Variants in RALYL observed in about 807,000 individuals in gnomAD.
RALYL encodes RALY RNA binding protein like.
A neutral mutation model predicts 35.1 loss-of-function variants in RALYL; 29 were observed. The ratio of observed to expected loss-of-function variants is 0.83; its 90% CI spans 0.61 to 1.13. The LOEUF (loss-of-function observed/expected upper bound fraction) is 1.13, where lower values mean the gene tolerates loss of function less well. RALYL is among the 50% of genes most tolerant of loss of function. The probability of loss-of-function intolerance (pLI) is 0.00; values close to 1 mark genes in which losing one functional copy is unlikely to be tolerated. For missense variants in RALYL, 359 were observed against 360.4 expected (o/e 1.00, Z 0.03); for synonymous variants, 120 against 127.6 (o/e 0.94, Z 0.40).
intron 2 of RALYL, among the ~76,000 whole-genome samples, chr8:84,731,991 G>C (rs1267012714): frequency 6.6e-6 from 1 of 151,870 alleles, no homozygotes; most frequent in African/African-American, 2.4e-5. Context: ...CCCTTTATTT[G>C]TTTAATAAAC....
rs141565979 is a variant in RALYL at position 84,621,338 on chromosome 8, G to A, written c.256+91761G>A. ...AGCCCGTCGGAAAAGCGCAGTATTC[G>A]GGTGGGAGCCACCCAATTTTCCAGG... On this transcript the variant is annotated intron_variant, in intron 2 of 8. Coordinates refer to ENST00000521268, the MANE Select transcript of RALYL (RefSeq NM_173848.7). 1.1e-3 allele frequency among the ~76,000 whole-genome samples: 175 copies of A among 152,252 alleles called. 3 individuals carry two copies. In the East Asian group the frequency reaches 0.026, roughly 23 times the overall value.
At chr8:84,471,343 G>A (rs1037045144) in intron 1 of RALYL, among the ~76,000 whole-genome samples, 2 of 151,804 alleles carry the variant, frequency 1.3e-5, no homozygotes, top group Non-Finnish European at 2.9e-5. Flanking sequence ...AGTGCTTTGA[G>A]ATGCCAAAGT....
chr8:84,391,501 C>A lies in RALYL; in HGVS notation c.-23-137798C>A, dbSNP rs141210173. On this transcript the variant is annotated intron_variant, in intron 1 of 8. Coordinates refer to ENST00000521268, the MANE Select transcript of RALYL (RefSeq NM_173848.7). ...TGATTTGTCTGTAGGTTATTCTCAC[C>A]CCAAACCTCCTTTTCAGTTCATTGT... 4.1e-3 allele frequency among the ~76,000 whole-genome samples: 621 copies of A among 152,074 alleles called. 6 individuals are homozygous for A. Among genetic ancestry groups the A allele is most frequent in the African/African-American group, 0.014 (586 of 41,502 alleles).
In RALYL at chr8:84,839,752, T is replaced by A. The variant is rs538751960; in HGVS notation, c.366-10228T>A. ...CAGACTGACACCTCACACGGCCAGG[T>A]ACTCCTCTGAGACAAAACTTCCAGA... On this transcript the variant is annotated intron_variant, in intron 4 of 8. Transcript: ENST00000521268. 2.0e-5 allele frequency among the ~76,000 whole-genome samples: 3 copies of A among 152,326 alleles called. No individual in the cohort carries two copies. The South Asian group carries it at 6.2e-4, about 32-fold the overall frequency.
At chr8:84,809,622 T>C (rs904923554) in intron 4 of RALYL, among the ~76,000 whole-genome samples, 2 of 152,154 alleles carry the variant, frequency 1.3e-5, no homozygotes, top group African/African-American at 4.8e-5. Flanking sequence ...GGACATTTTT[T>C]TGTTGGTAAT....
chr8:84,718,713 C>T (rs910560502), intron 2 of RALYL, among the ~76,000 whole-genome samples: 2 of 151,390 alleles, frequency 1.3e-5, no homozygotes, highest in Non-Finnish European at 2.9e-5. Flanking sequence ...TGCAGTGAGC[C>T]GAGATCGCAC....
At chr8:84,907,217 G>T (rs961389363) in intron 8 of RALYL, among the ~76,000 whole-genome samples, 2 of 151,810 alleles carry the variant, frequency 1.3e-5, no homozygotes, top group Non-Finnish European at 2.9e-5. Context: ...AATTGAACAA[G>T]TTCTGGAATC....
chr8:84,869,215 G>A (rs1267152328), intron 6 of RALYL, among the ~76,000 whole-genome samples: 1 of 152,092 alleles, frequency 6.6e-6, no homozygotes, highest in Non-Finnish European at 1.5e-5. Context: ...GAAAATCTAG[G>A]TTTGAGCCTA....
In RALYL at chr8:84,850,028, G is replaced by A. The variant is rs1835507887; in HGVS notation, c.413+1G>A. 6.8e-7 allele frequency: 1 copy of A among 1,462,670 alleles called. No homozygotes were observed. 90.6% of individuals were successfully genotyped at this position (1,462,670 alleles called of 1,614,324 possible). ...ACTACAGAGATGATTTCTACAATCG[G>A]TATGTGAATTTTTCATCCTTGTTTT... On this transcript the variant is annotated splice_donor_variant, in intron 5 of 8. Coordinates refer to ENST00000521268, the MANE Select transcript of RALYL (RefSeq NM_173848.7). LOFTEE classifies it high-confidence loss of function.
At chr8:84,278,178 T>G in intron 1 of RALYL, among the ~76,000 whole-genome samples, 1 of 152,236 alleles carries the variant, frequency 6.6e-6, no homozygotes, top group East Asian at 1.9e-4. Flanking sequence ...ACATCAATTA[T>G]TGACTTCTGT....
chr8:84,712,398 A>C (rs1842325781), intron 2 of RALYL, among the ~76,000 whole-genome samples: 2 of 152,250 alleles, frequency 1.3e-5, no homozygotes, highest in African/African-American at 4.8e-5. Flanking sequence ...ACAGGCTTTT[A>C]CAGGCTCCAG....
intron 4 of RALYL, among the ~76,000 whole-genome samples, chr8:84,810,302 C>G (rs1292210614): frequency 1.3e-5 from 2 of 152,034 alleles, no homozygotes; most frequent in African/African-American, 4.8e-5. Context: ...TTTGAAGATT[C>G]CTTTTTGAGT....
chr8:84,207,798 A>ATGTG (rs575104571), intron 1 of RALYL, among the ~76,000 whole-genome samples: 62 of 143,838 alleles, frequency 4.3e-4, no homozygotes, highest in African/African-American at 1.6e-3. Context: ...TCATTTCATA[A>ATGTG]TGTGTGTGTG....
chr8:84,242,158 C>T (rs1356521377), intron 1 of RALYL, among the ~76,000 whole-genome samples: 1 of 152,178 alleles, frequency 6.6e-6, no homozygotes, highest in East Asian at 1.9e-4. Flanking sequence ...CAGTTCCATC[C>T]ATGTCCCTGC....
At chr8:84,462,929 T>C (rs1341865165) in intron 1 of RALYL, among the ~76,000 whole-genome samples, 2 of 151,896 alleles carry the variant, frequency 1.3e-5, no homozygotes, top group Non-Finnish European at 2.9e-5. Context: ...TAACCTGAGT[T>C]ATTCATTCAT....
In RALYL at chr8:84,757,436, C is replaced by T. The variant is rs868714834; in HGVS notation, c.257-17143C>T. On this transcript the variant is annotated intron_variant, in intron 2 of 8. Transcript: ENST00000521268. ...ATTCAAATTCTTGGGAAAAAACTGC[C>T]GATGTGCAGTTTGTATATCTCTTAT... 7.2e-5 allele frequency among the ~76,000 whole-genome samples: 11 copies of T among 152,010 alleles called. No homozygotes were observed. The South Asian group carries it at 1.0e-3, about 14-fold the overall frequency.
At chr8:84,798,071 A>C (rs914471546) in intron 3 of RALYL, among the ~76,000 whole-genome samples, 6 of 151,402 alleles carry the variant, frequency 4.0e-5, no homozygotes, top group Admixed American at 2.6e-4. Flanking sequence ...TCTTCACTCC[A>C]CTCTTTTCTT....
At chr8:84,256,308 T>A (rs1200191563) in intron 1 of RALYL, among the ~76,000 whole-genome samples, 1 of 152,152 alleles carries the variant, frequency 6.6e-6, no homozygotes, top group Non-Finnish European at 1.5e-5. Context: ...GAGAATAACA[T>A]TTCTACTTTC....
intron 2 of RALYL, among the ~76,000 whole-genome samples, chr8:84,542,314 A>G (rs2060074242): frequency 6.6e-6 from 1 of 152,122 alleles, no homozygotes; most frequent in Admixed American, 6.6e-5. Flanking sequence ...CAAATATTTC[A>G]GCATGCATGT....
Sources: gnomAD v4.1 joint callset for allele counts (sites outside exome capture counted in the v4.1 genomes callset) on GRCh38, gnomAD v4.1.1 for gene constraint, MANE v1.5 for transcripts, NCBI Gene and HGNC (gene_info 2026-07-23, HGNC 2026-07-21) for gene names.